STK3: variants seen among roughly 807,000 people sequenced by gnomAD.
The protein encoded by STK3 is serine/threonine kinase 3.
STK3 carries 41 observed loss-of-function variants against 58.0 expected under a neutral mutation model. The ratio of observed to expected loss-of-function variants is 0.71; its 90% CI spans 0.55 to 0.92. The LOEUF (loss-of-function observed/expected upper bound fraction) is 0.92, where lower values mean the gene tolerates loss of function less well. STK3 is among the 40% of genes least tolerant of loss of function. The pLI is 0.00. For missense variants in STK3, 479 were observed against 602.7 expected (o/e 0.79, Z 2.15); for synonymous variants, 170 against 191.0 (o/e 0.89, Z 0.91).
At chr8:98,681,972 T>C (rs1005857957) in intron 6 of STK3, among the ~76,000 whole-genome samples, 4 of 152,248 alleles carry the variant, frequency 2.6e-5, no homozygotes, top group Non-Finnish European at 4.4e-5. Flanking sequence ...AGCAAAATAG[T>C]GCACATGATA....
intron 10 of STK3, among the ~76,000 whole-genome samples, chr8:98,477,721 CG>C (rs1430631371): frequency 0.2 from 1,679 of 8,302 alleles, 114 homozygotes; most frequent in South Asian, 0.33. Flanking sequence ...GGGGGGTGGG[CG>C]GGGGGGGGCC....
intron 6 of STK3, among the ~76,000 whole-genome samples, chr8:98,657,937 TA>T (rs1821673473): frequency 6.6e-6 from 1 of 152,092 alleles, no homozygotes; most frequent in Non-Finnish European, 1.5e-5. Flanking sequence ...GTGATTCCAA[TA>T]AATCTATTGT....
intron 4 of STK3, among the ~76,000 whole-genome samples, chr8:98,741,230 G>A (rs1406407624): frequency 6.6e-6 from 1 of 152,126 alleles, no homozygotes; most frequent in African/African-American, 2.4e-5. Flanking sequence ...GAACTCAGCT[G>A]TGTACCAAGT....
intron 3 of STK3, among the ~76,000 whole-genome samples, chr8:98,853,473 C>T (rs1475587568): frequency 6.6e-6 from 1 of 152,216 alleles, no homozygotes; most frequent in Non-Finnish European, 1.5e-5. Context: ...CCTTCCCCTG[C>T]TTTGCACACC....
chr8:98,447,634 A>AATACTAATAG (rs1302784889), intron 1 of STK3, among the ~76,000 whole-genome samples: 9 of 125,520 alleles, frequency 7.2e-5, no homozygotes, highest in Non-Finnish European at 1.2e-4. Context: ...TATATATTGC[A>AATACTAATAG]ATACTATATA....
chr8:98,885,669 A>G (rs1037196143), intron 1 of STK3, among the ~76,000 whole-genome samples: 5 of 152,116 alleles, frequency 3.3e-5, no homozygotes, highest in African/African-American at 1.2e-4. Context: ...CAAACTCCCA[A>G]TCTCAGGTGA....
chr8:98,613,758 A>T (rs188624252), intron 6 of STK3, among the ~76,000 whole-genome samples: 783 of 152,274 alleles, frequency 5.1e-3, no homozygotes, highest in Admixed American at 9.5e-3. Flanking sequence ...AAAACTGAAA[A>T]GGTAGATTTT....
chr8:98,655,455 C>G (rs1379304839), intron 6 of STK3, among the ~76,000 whole-genome samples: 1 of 152,164 alleles, frequency 6.6e-6, no homozygotes, highest in Non-Finnish European at 1.5e-5. Context: ...ATGCCAAAAG[C>G]AATGGCAACG....
At chr8:98,537,650 C>T (rs1002146546) in intron 9 of STK3, among the ~76,000 whole-genome samples, 7 of 152,020 alleles carry the variant, frequency 4.6e-5, no homozygotes, top group South Asian at 2.1e-4. Flanking sequence ...CAGCTGCAGC[C>T]GAATTCTGAC....
At chr8:98,391,788 C>G (rs1039458406), upstream of STK3, among the ~76,000 whole-genome samples, 1 of 152,078 alleles carries the variant, frequency 6.6e-6, no homozygotes, top group African/African-American at 2.4e-5. Context: ...TAACTAGAAC[C>G]GGGACACAAT....
intron 3 of STK3, among the ~76,000 whole-genome samples, chr8:98,871,117 T>C (rs2131875559): frequency 6.6e-6 from 1 of 152,358 alleles, no homozygotes; most frequent in Admixed American, 6.5e-5. Flanking sequence ...TCCCCATTTC[T>C]TGTTTTTGTC....
intron 1 of STK3, among the ~76,000 whole-genome samples, chr8:98,904,156 CAGA>C (rs1179350589): frequency 1.3e-5 from 2 of 152,180 alleles, no homozygotes; most frequent in Non-Finnish European, 2.9e-5. Flanking sequence ...CTAGCAATTT[CAGA>C]AGATTAACTT....
intron 1 of STK3, among the ~76,000 whole-genome samples, chr8:98,925,110 CCAGA>C (rs1468961410): frequency 6.6e-6 from 1 of 152,188 alleles, no homozygotes; most frequent in Non-Finnish European, 1.5e-5. Flanking sequence ...GTCAGATTGA[CCAGA>C]CAGAGTGGGT....
chr8:98,741,356 CT>C (rs1191500476), intron 4 of STK3, among the ~76,000 whole-genome samples: 1 of 152,190 alleles, frequency 6.6e-6, no homozygotes. Context: ...TAAAGCTCTC[CT>C]CAGCAAATGT....
chr8:98,690,830 T>A (rs1824352813), intron 6 of STK3, among the ~76,000 whole-genome samples: 1 of 152,092 alleles, frequency 6.6e-6, no homozygotes, highest in Non-Finnish European at 1.5e-5. Flanking sequence ...AACAGCAAGG[T>A]ACTGGTACAA....
chr8:98,780,299 G>C (rs1832006006), intron 1 of STK3, among the ~76,000 whole-genome samples: 1 of 152,008 alleles, frequency 6.6e-6, no homozygotes, highest in Non-Finnish European at 1.5e-5. Context: ...TCCATCAATA[G>C]GGTATTTAAT....
the STK3 span, among the ~76,000 whole-genome samples, chr8:98,351,054 G>A: frequency 6.6e-6 from 1 of 152,268 alleles, no homozygotes; most frequent in Non-Finnish European, 1.5e-5. Flanking sequence ...CATATTTAAG[G>A]TATCCAAGAC....
intron 3 of STK3, among the ~76,000 whole-genome samples, chr8:98,878,550 C>T (rs993027663): frequency 6.6e-6 from 1 of 152,042 alleles, no homozygotes; most frequent in African/African-American, 2.4e-5. Context: ...CCACTCACCC[C>T]GTCACTCTCT....
At chr8:98,837,408 T>C (rs1453067779) in intron 3 of STK3, among the ~76,000 whole-genome samples, 5 of 151,736 alleles carry the variant, frequency 3.3e-5, no homozygotes, top group Non-Finnish European at 5.9e-5. Context: ...GCTTTCATTT[T>C]ATAAAATTCA....
Sources: gnomAD v4.1 joint callset for allele counts (sites outside exome capture counted in the v4.1 genomes callset) on GRCh38, gnomAD v4.1.1 for gene constraint, MANE v1.5 for transcripts, NCBI Gene and HGNC (gene_info 2026-07-23, HGNC 2026-07-21) for gene names.